SLC9A9: variants seen among roughly 807,000 people sequenced by gnomAD.
SLC9A9 encodes the protein solute carrier family 9 member A9, also known as sodium/hydrogen exchanger 9.
A neutral mutation model predicts 77.8 loss-of-function variants in SLC9A9; 62 were observed. The ratio of observed to expected loss-of-function variants is 0.80; its 90% CI spans 0.65 to 0.98. The LOEUF (loss-of-function observed/expected upper bound fraction) is 0.98. Ranked by LOEUF, SLC9A9 falls within the 50% of genes least tolerant of loss-of-function variation. The pLI is 0.00. For synonymous variants in SLC9A9, 320 were observed against 283.5 expected (o/e 1.13, Z -1.29); for missense variants, 775 against 774.9 (o/e 1.00, Z 0.00).
chr3:143,667,984 T>C (rs1351207915), intron 5 of SLC9A9, among the ~76,000 whole-genome samples: 2 of 152,132 alleles, frequency 1.3e-5, no homozygotes, highest in African/African-American at 4.8e-5. Flanking sequence ...CATTACTGGG[T>C]ATATACCCAA....
At chr3:143,666,455 A>C (rs900309172) in intron 5 of SLC9A9, among the ~76,000 whole-genome samples, 1 of 152,246 alleles carries the variant, frequency 6.6e-6, no homozygotes, top group Non-Finnish European at 1.5e-5. Flanking sequence ...CACCACTCCT[A>C]TTCAACATAG....
intron 6 of SLC9A9, among the ~76,000 whole-genome samples, chr3:143,629,165 C>T (rs2038379719): frequency 6.6e-6 from 1 of 152,122 alleles, no homozygotes; most frequent in African/African-American, 2.4e-5. Flanking sequence ...GGGGGAACCA[C>T]TAAATAAATA....
intron 1 of SLC9A9, among the ~76,000 whole-genome samples, chr3:143,835,591 G>A (rs1347092843): frequency 6.6e-6 from 1 of 152,238 alleles, no homozygotes; most frequent in African/African-American, 2.4e-5. Context: ...TCATATATGA[G>A]TAGGTGACAG....
At chr3:143,388,810 A>G (rs532621676) in intron 12 of SLC9A9, among the ~76,000 whole-genome samples, 1 of 152,396 alleles carries the variant, frequency 6.6e-6, no homozygotes, top group South Asian at 2.1e-4. Flanking sequence ...GAACCACAGT[A>G]TGGTGTGATA....
At chr3:143,655,750 T>A (rs1216851681) in intron 5 of SLC9A9, 1 of 626,702 alleles carries the variant, frequency 1.6e-6, no homozygotes, top group African/African-American at 2.0e-5. Flanking sequence ...AATAGAGGAA[T>A]GTGATAACTG....
chr3:143,807,338 A>C (rs1322427474), intron 2 of SLC9A9, among the ~76,000 whole-genome samples: 2 of 152,204 alleles, frequency 1.3e-5, no homozygotes, highest in African/African-American at 2.4e-5. Context: ...CAGTCCAAAA[A>C]GTTTTTTTAC....
chr3:143,459,169 G>A (rs945933816), intron 12 of SLC9A9, among the ~76,000 whole-genome samples: 6 of 150,590 alleles, frequency 4.0e-5, no homozygotes, highest in African/African-American at 1.2e-4. Context: ...TTACTTCTTG[G>A]GGCATGGTTA....
chr3:143,517,518 A>G lies in SLC9A9; in HGVS notation c.1090-22070T>C, dbSNP rs2036223324. On this transcript the variant is annotated intron_variant, in intron 9 of 15. Transcript: ENST00000316549. ...TCTCGCTCTTCACGTTTTCGCTCAT[A>G]CTTTCTCCGATGTTCTGCAATTTTC... 18 of 1,597,408 alleles carry G rather than the reference A, an allele frequency of 1.1e-5. No individual in the cohort carries two copies. The Admixed American group carries it at 1.3e-4, about 12-fold the overall frequency.
At chr3:143,318,278 G>A (rs998309279) in intron 14 of SLC9A9, among the ~76,000 whole-genome samples, 6 of 152,150 alleles carry the variant, frequency 3.9e-5, no homozygotes, top group Non-Finnish European at 8.8e-5. Context: ...AGGAAAATGA[G>A]AAATAAACAA....
intron 4 of SLC9A9, among the ~76,000 whole-genome samples, chr3:143,773,932 T>TTTTACAAATGTTGG (rs1408098801): frequency 2.6e-5 from 4 of 152,016 alleles, no homozygotes; most frequent in Non-Finnish European, 5.9e-5. Context: ...TCAGTAGGGG[T>TTTTACAAATGTTGG]TTTACAAATG....
chr3:143,547,803 C>G (rs1011237903), intron 9 of SLC9A9, among the ~76,000 whole-genome samples: 1 of 152,206 alleles, frequency 6.6e-6, no homozygotes, highest in African/African-American at 2.4e-5. Flanking sequence ...ATACTCCTAG[C>G]TACTCTTCCC....
chr3:143,427,530 A>T (rs1378915015), intron 12 of SLC9A9, among the ~76,000 whole-genome samples: 1 of 152,246 alleles, frequency 6.6e-6, no homozygotes, highest in Non-Finnish European at 1.5e-5. Context: ...ACTCACAAGA[A>T]AAGATTTTGA....
chr3:143,502,700 T>C (rs2035945129), intron 9 of SLC9A9, among the ~76,000 whole-genome samples: 1 of 152,202 alleles, frequency 6.6e-6, no homozygotes, highest in Admixed American at 6.5e-5. Context: ...CACAACCTGC[T>C]GACTTTCATC....
rs952575351 is a variant in SLC9A9, at chr3:143,827,068, A to G, written c.378+4951T>C. ...GAAAGAATAAATGAATGAAAGTATG[A>G]AACAGAAAGTTATTTTATCATCTTC... On this transcript the variant is annotated intron_variant, in intron 2 of 15. Coordinates refer to ENST00000316549, the MANE Select transcript of SLC9A9 (RefSeq NM_173653.4). Among the ~76,000 whole-genome samples the G allele has an allele frequency of 2.0e-5, 3 of 152,242 alleles. No homozygotes were observed. In the South Asian group the frequency reaches 6.2e-4, roughly 32 times the overall value.
At chr3:143,310,846 T>C (rs1174139927) in intron 14 of SLC9A9, among the ~76,000 whole-genome samples, 1 of 152,144 alleles carries the variant, frequency 6.6e-6, no homozygotes, top group Non-Finnish European at 1.5e-5. Flanking sequence ...GAACAGAGAA[T>C]CAGAAGGAAA....
intron 4 of SLC9A9, among the ~76,000 whole-genome samples, chr3:143,738,950 C>T (rs1935009565): frequency 6.6e-6 from 1 of 152,182 alleles, no homozygotes; most frequent in South Asian, 2.1e-4. Context: ...CAGACTGAAG[C>T]TCTCTGAACC....
At chr3:143,676,419 A>G (rs956437509) in intron 5 of SLC9A9, among the ~76,000 whole-genome samples, 3 of 152,148 alleles carry the variant, frequency 2.0e-5, no homozygotes, top group African/African-American at 7.2e-5. Context: ...AACAAACAAA[A>G]ACACATGTTA....
intron 8 of SLC9A9, 39 bp from the exon 9 acceptor site, chr3:143,552,489 C>G: frequency 6.4e-7 from 1 of 1,572,642 alleles, no homozygotes; most frequent in Non-Finnish European, 8.7e-7. Flanking sequence ...ACCAATTTTT[C>G]TTTTCCATCC....
intron 14 of SLC9A9, among the ~76,000 whole-genome samples, chr3:143,329,790 C>T (rs2031710272): frequency 6.6e-6 from 1 of 152,140 alleles, no homozygotes; most frequent in Admixed American, 6.5e-5. Context: ...AGCCCAAGCC[C>T]CCAGGCCACG....
Sources: allele counts gnomAD v4.1 joint callset (sites outside exome capture counted in the v4.1 genomes callset), GRCh38; gene constraint gnomAD v4.1.1; transcripts MANE v1.5; gene names NCBI Gene and HGNC (gene_info 2026-07-23, HGNC 2026-07-21).